Variants in ZNF718 observed in about 807,000 individuals in gnomAD.
The protein encoded by ZNF718 is zinc finger protein 718.
ZNF718 carries 3 observed loss-of-function variants against 2.6 expected under a neutral mutation model. That is an observed-to-expected ratio of 1.16 (90% CI 0.53 to 3.01). The LOEUF is 3.01. ZNF718 is among the 30% of genes most tolerant of loss of function. ZNF718 has a pLI of 0.03. For missense variants in ZNF718, 468 were observed against 230.0 expected (o/e 2.03, Z -6.69); for synonymous variants, 135 against 77.9 (o/e 1.73, Z -3.86).
At chr4:148,893 T>A (rs914784321) in intron 3 of ZNF718, among the ~76,000 whole-genome samples, 3 of 152,148 alleles carry the variant, frequency 2.0e-5, no homozygotes, top group Non-Finnish European at 4.4e-5. Context: ...TAGCTATGTT[T>A]ACAGTGAGAA....
rs1715331904 is a variant in ZNF718, at chr4:130,833, G to A, written c.49G>A (p.Glu17Lys). 9 of 394,162 alleles carry A rather than the reference G, an allele frequency of 2.3e-5. 1 individual carries two copies. The highest frequency in any genetic ancestry group is 4.0e-4 in the Middle Eastern group (1 of 2,484). The allele number at this position is 394,162 out of a possible 1,614,324, so 24.4% of individuals were successfully genotyped here. Residue 17 changes from glutamate to lysine, a missense_variant, in exon 2 of 4, where the codon GAG (glutamate) becomes AAG (lysine). Coordinates refer to ENST00000510175, the MANE Select transcript of ZNF718 (RefSeq NM_001039127.6). ...KDVAIEFSPE[E>K]WKCLDTSQQN... ...TGTGGCCATAGAATTCTCTCCAGAAGAGTGGAAATGTCTGGACACTTCCCA... is the reference window on the plus strand; with the variant it reads ...TGTGGCCATAGAATTCTCTCCAGAAAAGTGGAAATGTCTGGACACTTCCCA...
At chr4:187,399 G>T (rs1717591734) in intron 3 of ZNF718, among the ~76,000 whole-genome samples, 1 of 151,938 alleles carries the variant, frequency 6.6e-6, no homozygotes, top group African/African-American at 2.4e-5. Context: ...GCTAATTTTT[G>T]TATTTTTAGT....
chr4:161,967 T>C lies in ZNF718; in HGVS notation c.1282T>C (p.Cys428Arg). 1 of 780,238 alleles carries C rather than the reference T, an allele frequency of 1.3e-6. No individual in the cohort carries two copies. Among genetic ancestry groups the C allele is most frequent in the Non-Finnish European group, 2.4e-6 (1 of 417,668 alleles). 48.3% of individuals were successfully genotyped at this position (780,238 alleles called of 1,614,324 possible). The part of the protein sequence containing the change: ...TGEKPYICKQ[C>R]GKAFKQSSHL... ...AGAGAAACCCTACATATGTAAACAA[T>C]GTGGCAAAGCCTTTAAACAGTCCTC... The change falls in exon 4 of 4, where the codon TGT (cysteine) becomes CGT (arginine). Residue 428 changes from cysteine to arginine, a missense_variant. Cys to Arg is a radical substitution (Grantham distance 180, BLOSUM62 -3). Transcript: ENST00000510175.
At chr4:174,129 C>T (rs1226036234) in intron 3 of ZNF718, among the ~76,000 whole-genome samples, 2 of 152,152 alleles carry the variant, frequency 1.3e-5, no homozygotes, top group Non-Finnish European at 2.9e-5. Flanking sequence ...TCACCCTTTG[C>T]CCTAGGGTAA....
At chr4:159,713 A>G (rs55755526) in intron 3 of ZNF718, among the ~76,000 whole-genome samples, 2,274 of 151,778 alleles carry the variant, frequency 0.015, 50 homozygotes, top group African/African-American at 0.044. Flanking sequence ...ATATGTTTCT[A>G]TTTCACTCAT....
At chr4:178,299 T>C (rs1439754703) in intron 3 of ZNF718, among the ~76,000 whole-genome samples, 2 of 151,986 alleles carry the variant, frequency 1.3e-5, no homozygotes, top group Non-Finnish European at 2.9e-5. Flanking sequence ...TCACTACACC[T>C]GGCTAATTTT....
At chr4:178,376 T>G (rs1717390565) in intron 3 of ZNF718, among the ~76,000 whole-genome samples, 1 of 152,108 alleles carries the variant, frequency 6.6e-6, no homozygotes, top group Admixed American at 6.6e-5. Flanking sequence ...TGAGCTCAGA[T>G]AATTCTCTCA....
At chr4:195,423 C>T (rs1717771857) in intron 3 of ZNF718, among the ~76,000 whole-genome samples, 1 of 152,186 alleles carries the variant, frequency 6.6e-6, no homozygotes, top group African/African-American at 2.4e-5. Context: ...AAGGGAGTTC[C>T]TCCTTAGTCT....
chr4:126,310 C>G (rs1314616305), intron 1 of ZNF718, among the ~76,000 whole-genome samples: 7 of 152,216 alleles, frequency 4.6e-5, no homozygotes, highest in African/African-American at 1.7e-4. Context: ...GCTCTTCTCC[C>G]TTTTCTTAAA....
chr4:192,456 C>T (rs1402633964), intron 3 of ZNF718, among the ~76,000 whole-genome samples: 1 of 152,132 alleles, frequency 6.6e-6, no homozygotes, highest in Non-Finnish European at 1.5e-5. Flanking sequence ...GTTACAAGCC[C>T]CGTGTTTAAA....
chr4:175,736 T>TA lies in ZNF718; in HGVS notation c.227-25344dup, dbSNP rs554386614. ...TGCAGATTTACTAATATGCCTTTGT[T>TA]ACCATAAACCAACACCCCCTCCAGG... On this transcript the variant is annotated intron_variant and NMD_transcript_variant, in intron 3 of 4. Transcript: ENST00000642529. Among the ~76,000 whole-genome samples, 150 of 152,266 alleles carry TA rather than the reference T, an allele frequency of 9.9e-4. 1 individual carries two copies. Among genetic ancestry groups the TA allele is most frequent in the African/African-American group, 3.5e-3 (147 of 41,558 alleles).
chr4:196,292 G>A (rs1402102723), intron 3 of ZNF718, among the ~76,000 whole-genome samples: 1 of 152,286 alleles, frequency 6.6e-6, no homozygotes, highest in East Asian at 1.9e-4. Flanking sequence ...CAAGGGTGGT[G>A]GGGAACAGGT....
downstream of ZNF718, among the ~76,000 whole-genome samples, chr4:167,804 C>T (rs1421689159): frequency 6.6e-6 from 1 of 152,086 alleles, no homozygotes; most frequent in African/African-American, 2.4e-5. Context: ...CAAACAGGGA[C>T]AATTTTACTC....
At chr4:169,820 T>C (rs1717179827) in intron 3 of ZNF718, among the ~76,000 whole-genome samples, 2 of 152,142 alleles carry the variant, frequency 1.3e-5, no homozygotes, top group Non-Finnish European at 2.9e-5. Flanking sequence ...GTCTGTGTCT[T>C]TTAATTGGAG....
chr4:127,582 A>G (rs1240618365), intron 1 of ZNF718, among the ~76,000 whole-genome samples: 1 of 104,704 alleles, frequency 9.6e-6, no homozygotes, highest in Non-Finnish European at 2.1e-5. Context: ...TGCAGTTCCA[A>G]ATTCTGAATT....
intron 2 of ZNF718, 48 bp from the exon 3 acceptor site, chr4:131,362 G>A: frequency 3.2e-6 from 1 of 307,854 alleles, no homozygotes; most frequent in South Asian, 8.0e-5. Flanking sequence ...GTTGGTAATT[G>A]GAGTATCCCC....
intron 3 of ZNF718, among the ~76,000 whole-genome samples, chr4:154,648 A>T (rs1716483066): frequency 6.6e-6 from 1 of 152,212 alleles, no homozygotes; most frequent in African/African-American, 2.4e-5. Flanking sequence ...AGAAATTCCT[A>T]ACCCATAAAG....
chr4:143,219 G>A (rs879963794), intron 3 of ZNF718, among the ~76,000 whole-genome samples: 5 of 152,224 alleles, frequency 3.3e-5, no homozygotes, highest in East Asian at 1.9e-4. Context: ...TGTTTGAGAC[G>A]GAGTCTCTGT....
At chr4:177,880 T>G (rs61794965) in intron 3 of ZNF718, among the ~76,000 whole-genome samples, 19,534 of 151,810 alleles carry the variant, frequency 0.13, 1,691 homozygotes, top group Admixed American at 0.23. Flanking sequence ...AGTAGGCAGT[T>G]AGACATGAGC....
Sources: allele counts gnomAD v4.1 joint callset (sites outside exome capture counted in the v4.1 genomes callset), GRCh38; gene constraint gnomAD v4.1.1; transcripts MANE v1.5; gene names NCBI Gene and HGNC (gene_info 2026-07-23, HGNC 2026-07-21).